PCDHGA4: variants seen among roughly 807,000 people sequenced by gnomAD.
PCDHGA4 encodes protocadherin gamma-A4.
PCDHGA4 carries 38 observed loss-of-function variants against 54.6 expected under a neutral mutation model. The observed-to-expected ratio is 0.70, with a 90% CI of 0.54 to 0.91. The LOEUF is 0.91. Ranked by LOEUF, PCDHGA4 falls within the 40% of genes least tolerant of loss-of-function variation. PCDHGA4 has a pLI of 0.00. For missense variants in PCDHGA4, 1,298 were observed against 1,220.9 expected, an observed-to-expected ratio of 1.06 and a Z score of -0.94; for synonymous variants, 511 against 512.9, an observed-to-expected ratio of 1.00 and a Z score of 0.05.
chr5:141,366,855 A>C, intron 1 of PCDHGA4: 3 of 1,456,922 alleles, frequency 2.1e-6, no homozygotes, highest in Non-Finnish European at 2.8e-6. Flanking sequence ...ATAGTGGAAC[A>C]TTATTTGCTG....
chr5:141,503,221 C>A (rs528636727), intron 2 of PCDHGA4, among the ~76,000 whole-genome samples: 2 of 151,956 alleles, frequency 1.3e-5, no homozygotes, highest in Non-Finnish European at 2.9e-5. Context: ...CCATGAGCAC[C>A]GTAAAGATGG....
chr5:141,432,887 T>A lies in PCDHGA4; in HGVS notation c.2515-61920T>A, dbSNP rs146168033. On this transcript the variant is annotated intron_variant, in intron 1 of 3. Coordinates refer to ENST00000571252, the MANE Select transcript of PCDHGA4 (RefSeq NM_018917.4). The surrounding 1 kb of genome is among the most constrained non-coding windows in gnomAD (Gnocchi z 6.0). ...CTGCGTCTTCCTGGCCTTCGTCATC[T>A]TGCTGCTGGCGCTCAGGCTGCGGCG... 1.2e-6 allele frequency: 2 copies of A among 1,614,056 alleles called. No homozygotes were observed. Among genetic ancestry groups the A allele is most frequent in the Non-Finnish European group, 1.7e-6 (2 of 1,179,998 alleles).
At chr5:141,408,623 G>C in intron 1 of PCDHGA4, 1 of 1,614,004 alleles carries the variant, frequency 6.2e-7, no homozygotes, top group Non-Finnish European at 8.5e-7. Flanking sequence ...AATACATTTA[G>C]AAATTTTCGA....
At chr5:141,446,035 A>G (rs1300621298) in intron 1 of PCDHGA4, among the ~76,000 whole-genome samples, 1 of 152,222 alleles carries the variant, frequency 6.6e-6, no homozygotes, top group Non-Finnish European at 1.5e-5. Context: ...CTGGTAAGAA[A>G]TGGAAGAAGA....
At chr5:141,472,453 T>C (rs2099281194) in intron 1 of PCDHGA4, among the ~76,000 whole-genome samples, 1 of 151,726 alleles carries the variant, frequency 6.6e-6, no homozygotes, top group African/African-American at 2.4e-5. Flanking sequence ...GGCAGGAGAA[T>C]CGCTTGAACC....
intron 1 of PCDHGA4, chr5:141,399,663 G>A: frequency 6.2e-7 from 1 of 1,613,624 alleles, no homozygotes; most frequent in Non-Finnish European, 8.5e-7. Flanking sequence ...TGGTGTTCGC[G>A]CAGCGCGCCT....
chr5:141,399,902 C>T, intron 1 of PCDHGA4: 3 of 1,612,490 alleles, frequency 1.9e-6, no homozygotes, highest in Non-Finnish European at 8.5e-7. Context: ...GCCGTGGACG[C>T]AGACTCAGGA....
At chr5:141,375,105 A>C (rs371346343) in intron 1 of PCDHGA4, 14 of 1,613,840 alleles carry the variant, frequency 8.7e-6, no homozygotes, top group African/African-American at 2.7e-5. Context: ...TTGGATGTCA[A>C]TGATAATGTA....
intron 1 of PCDHGA4, chr5:141,419,888 G>A: frequency 6.2e-7 from 1 of 1,614,056 alleles, no homozygotes; most frequent in Non-Finnish European, 8.5e-7. Context: ...GGATTTCAGC[G>A]ACCATCCCAC....
At chr5:141,408,851 G>A in intron 1 of PCDHGA4, 1 of 1,613,574 alleles carries the variant, frequency 6.2e-7, no homozygotes, top group Non-Finnish European at 8.5e-7. Context: ...TGCCTTGGAC[G>A]GAGGGGACCC....
rs376527354 is a variant in PCDHGA4, at chr5:141,439,129, G to A, written c.2515-55678G>A. Among the ~76,000 whole-genome samples the A allele has an allele frequency of 7.3e-5, 11 of 151,064 alleles. No individual in the cohort carries two copies. The South Asian group carries it at 2.3e-3, about 32-fold the overall frequency. The stretch of plus-strand genomic sequence containing the variant: ...AATCACTTGAACCCGGGAGACAGAG[G>A]TTGCAGTGAGCTGAGATCACGCCAC... On this transcript the variant is annotated intron_variant, in intron 1 of 3. Coordinates refer to ENST00000571252, the MANE Select transcript of PCDHGA4 (RefSeq NM_018917.4).
intron 1 of PCDHGA4, chr5:141,403,422 C>T (rs749764130): frequency 6.2e-7 from 1 of 1,613,912 alleles, no homozygotes; most frequent in Admixed American, 1.7e-5. Flanking sequence ...CTTCCAGAAG[C>T]TATTGATCCG....
Position 141,355,628 on chromosome 5 carries a change from C to T in PCDHGA4, c.521C>T (p.Ala174Val), listed in dbSNP as rs1759918575. Residue 174 changes from alanine to valine, a missense_variant, in exon 1 of 4, where the codon GCT becomes GTT. By Grantham distance (64) the Ala-to-Val change is moderately conservative (BLOSUM62 0). Coordinates refer to ENST00000571252, the MANE Select transcript of PCDHGA4 (RefSeq NM_018917.4). ...FGTEQREIKV[A>V]ENENPGARFP... ...ACAGAACAGAGGGAAATAAAAGTTG[C>T]TGAAAATGAAAATCCTGGGGCAAGA... 6.2e-7 allele frequency: 1 copy of T among 1,613,862 alleles called. No homozygotes were observed. The highest frequency in any genetic ancestry group is 1.1e-5 in the South Asian group (1 of 91,084).
Position 141,490,644 on chromosome 5 carries a change from T to G in PCDHGA4, c.2515-4163T>G, listed in dbSNP as rs772742713. 1 of 1,614,188 alleles carries G rather than the reference T, an allele frequency of 6.2e-7. No individual in the cohort carries two copies. Among genetic ancestry groups the G allele is most frequent in the Non-Finnish European group, 8.5e-7 (1 of 1,180,016 alleles). The stretch of plus-strand genomic sequence containing the variant: ...CTGCTTACATCCTAGAAAACCGGCC[T>G]CCGGGCTCCCTTCTTTGCACTGTGG... On this transcript the variant is annotated intron_variant, in intron 1 of 3. Transcript: ENST00000571252. The surrounding 1 kb of genome is among the most constrained non-coding windows in gnomAD (Gnocchi z 5.4).
intron 1 of PCDHGA4, among the ~76,000 whole-genome samples, chr5:141,459,101 C>A (rs1021289352): frequency 6.6e-6 from 1 of 152,192 alleles, no homozygotes; most frequent in Non-Finnish European, 1.5e-5. Context: ...CAGTGCAATG[C>A]ATTTTGACAA....
At chr5:141,419,991 T>C (rs1192003266) in intron 1 of PCDHGA4, 1 of 1,614,078 alleles carries the variant, frequency 6.2e-7, no homozygotes. Context: ...ATTCTAGCTA[T>C]TGCTCTACGC....
At position 141,415,428 on chromosome 5, in the gene PCDHGA4, G is replaced by T. The variant is rs948747218; in HGVS notation, c.2514+57807G>T. 1.5e-5 allele frequency: 24 copies of T among 1,614,088 alleles called. No individual in the cohort carries two copies. In the Admixed American group the frequency reaches 1.7e-4, roughly 11 times the overall value. ...ACTTTGTGGGCGTGGACGGGGTTCG[G>T]GCTTTCCTGCAGACCTATTCCCACG... On this transcript the variant is annotated intron_variant, in intron 1 of 3. Transcript: ENST00000571252.
chr5:141,398,841 TC>T (rs1383151737), intron 1 of PCDHGA4: 5 of 1,613,612 alleles, frequency 3.1e-6, no homozygotes, highest in African/African-American at 1.3e-5. Flanking sequence ...CCAATGATAA[TC>T]CCCCGGTATT....
At position 141,476,903 on chromosome 5, in the gene PCDHGA4, G is replaced by C; in HGVS notation, c.2515-17904G>C. On this transcript the variant is annotated intron_variant, in intron 1 of 3. Transcript: ENST00000571252. The surrounding 1 kb of genome is among the most constrained non-coding windows in gnomAD (Gnocchi z 7.6). Reference sequence around the variant, plus strand: ...GGAGGATGCACCCTCCGGCACGCGCGTGGTACAAGTCCTTGCAACGGATCT... The same window carrying C: ...GGAGGATGCACCCTCCGGCACGCGCCTGGTACAAGTCCTTGCAACGGATCT... The C allele has an allele frequency of 1.2e-6, 2 of 1,614,018 alleles. No individual in the cohort carries two copies. Among genetic ancestry groups the C allele is most frequent in the Non-Finnish European group, 1.7e-6 (2 of 1,180,044 alleles).
Sources: gnomAD v4.1 joint callset for allele counts (sites outside exome capture counted in the v4.1 genomes callset) on GRCh38, gnomAD v4.1.1 for gene constraint, Gnocchi (gnomAD v3.1) non-coding constraint, MANE v1.5 for transcripts, NCBI Gene and HGNC (gene_info 2026-07-23, HGNC 2026-07-21) for gene names.